Variants in LMO7 observed in about 807,000 individuals in gnomAD.
LMO7 encodes the protein LIM domain only protein 7.
A neutral mutation model predicts 206.5 loss-of-function variants in LMO7; 120 were observed. The observed-to-expected ratio is 0.58, with a 90% CI of 0.50 to 0.68. LMO7 has a LOEUF of 0.68. Among genes scored for constraint, LMO7 ranks in the 30% least tolerant of loss-of-function variants. The probability of loss-of-function intolerance (pLI) is 0.00; values close to 1 mark genes in which losing one functional copy is unlikely to be tolerated. For missense variants in LMO7, 1,959 were observed against 1,957.9 expected, an observed-to-expected ratio of 1.00 and a Z score of -0.01; for synonymous variants, 706 against 681.5, an observed-to-expected ratio of 1.04 and a Z score of -0.56.
At chr13:75,684,166 G>A (rs558121011) in intron 1 of LMO7, among the ~76,000 whole-genome samples, 2 of 152,214 alleles carry the variant, frequency 1.3e-5, no homozygotes, top group East Asian at 3.9e-4. Flanking sequence ...GGTTGGGGGC[G>A]GCCTTAGAAT....
At chr13:75,782,975 G>A (rs2051770993) in intron 4 of LMO7, among the ~76,000 whole-genome samples, 1 of 152,162 alleles carries the variant, frequency 6.6e-6, no homozygotes, top group South Asian at 2.1e-4. Context: ...AGTAGACCTT[G>A]GTGGGGAGTG....
intron 4 of LMO7, among the ~76,000 whole-genome samples, chr13:75,793,258 A>G (rs796930463): frequency 4.6e-5 from 7 of 152,262 alleles, no homozygotes; most frequent in African/African-American, 1.7e-4. Context: ...CTTCTAAGTT[A>G]AAGTGCTGGG....
In LMO7 at chr13:75,622,502, T is replaced by G. The variant is rs544920855; in HGVS notation, c.175+634T>G. On this transcript the variant is annotated intron_variant, in intron 1 of 29. Coordinates refer to the LMO7 transcript ENST00000341547. ...CTTTTCTCATTCTTTTTCTAAATCT[T>G]GTAATTGTCTGTAAGTACTACCTTC... is the stretch of plus-strand genomic sequence containing the variant. 2.1e-3 allele frequency among the ~76,000 whole-genome samples: 314 copies of G among 152,330 alleles called. 1 individual carries two copies. Among genetic ancestry groups the G allele is most frequent in the South Asian group, 9.1e-3 (44 of 4,830 alleles).
intron 2 of LMO7, among the ~76,000 whole-genome samples, chr13:75,630,444 G>A (rs932742361): frequency 7.2e-5 from 11 of 152,298 alleles, no homozygotes; most frequent in African/African-American, 1.9e-4. Context: ...AGGCTGAGGC[G>A]GGTGGATTGC....
At chr13:75,777,756 C>G (rs1566437676) in intron 4 of LMO7, among the ~76,000 whole-genome samples, 1 of 151,588 alleles carries the variant, frequency 6.6e-6, no homozygotes, top group Non-Finnish European at 1.5e-5. Flanking sequence ...TGCCATTTCC[C>G]TGCCTCAGCC....
At chr13:75,671,185 G>T (rs2039546693) in intron 1 of LMO7, among the ~76,000 whole-genome samples, 1 of 150,056 alleles carries the variant, frequency 6.7e-6, no homozygotes, top group South Asian at 2.1e-4. Context: ...TGAGGGACTG[G>T]CCTGACACTG....
At chr13:75,778,221 TTTTA>T (rs748191086) in intron 4 of LMO7, among the ~76,000 whole-genome samples, 3 of 151,942 alleles carry the variant, frequency 2.0e-5, no homozygotes, top group African/African-American at 7.3e-5. Flanking sequence ...GATCTGTGGT[TTTTA>T]TTTATTTATT....
At chr13:75,748,734 A>G (rs2047048098) in intron 3 of LMO7, among the ~76,000 whole-genome samples, 2 of 152,070 alleles carry the variant, frequency 1.3e-5, no homozygotes, top group Admixed American at 6.5e-5. Context: ...TTGCATTACT[A>G]GGTAGGAAGA....
At chr13:75,774,052 C>T (rs2050074691) in intron 4 of LMO7, among the ~76,000 whole-genome samples, 1 of 152,082 alleles carries the variant, frequency 6.6e-6, no homozygotes, top group African/African-American at 2.4e-5. Context: ...ACTTCTTACC[C>T]ATCTTTGCCT....
chr13:75,647,417 G>A (rs551599892), intron 1 of LMO7, among the ~76,000 whole-genome samples: 1 of 152,216 alleles, frequency 6.6e-6, no homozygotes, highest in African/African-American at 2.4e-5. Context: ...TTTGAAAAAA[G>A]CAACTTTAAA....
intron 12 of LMO7, 21 bp downstream of exon 12, chr13:75,817,299 A>AG (rs1566532921): frequency 6.9e-7 from 1 of 1,444,292 alleles, no homozygotes. Context: ...TGGGGATTGG[A>AG]GGGGAGAGAG....
intron 3 of LMO7, among the ~76,000 whole-genome samples, chr13:75,757,820 GTGTGTGTGTGTGTGTGTGTGTA>G (rs1469185908): frequency 5.7e-5 from 7 of 121,848 alleles, no homozygotes; most frequent in Admixed American, 3.5e-4. Context: ...GTGTGTGTGT[GTGTGTGTGTGTGTGTGTGTGTA>G]TGTTGGTTTG....
chr13:75,837,291 A>C (rs965308834), intron 19 of LMO7, among the ~76,000 whole-genome samples: 1 of 152,168 alleles, frequency 6.6e-6, no homozygotes, highest in African/African-American at 2.4e-5. Flanking sequence ...TGCATTCTTT[A>C]TCAAAGGAGT....
At chr13:75,659,047 A>ATTCT (rs1555288969) in intron 1 of LMO7, among the ~76,000 whole-genome samples, 1 of 151,410 alleles carries the variant, frequency 6.6e-6, no homozygotes, top group Non-Finnish European at 1.5e-5. Flanking sequence ...CTTTCCTTCC[A>ATTCT]CTCATTATTT....
chr13:75,635,534 G>T (rs2035677126), upstream of LMO7, among the ~76,000 whole-genome samples: 2 of 152,212 alleles, frequency 1.3e-5, no homozygotes, highest in African/African-American at 4.8e-5. Flanking sequence ...AACCACGAAG[G>T]GTGGGAATTT....
chr13:75,750,612 C>T (rs71434805), intron 3 of LMO7, among the ~76,000 whole-genome samples: 17 of 151,964 alleles, frequency 1.1e-4, no homozygotes, highest in Non-Finnish European at 2.5e-4. Flanking sequence ...CCAGGCTGGT[C>T]TCTAACTCCT....
intron 25 of LMO7, among the ~76,000 whole-genome samples, chr13:75,843,871 C>T (rs545384430): frequency 1.2e-4 from 18 of 151,970 alleles, no homozygotes; most frequent in Admixed American, 3.9e-4. Context: ...TACAAGCAGC[C>T]GGGATGACTG....
chr13:75,848,987 AT>A (rs1468585185), intron 26 of LMO7, 91 bp from the exon 27 acceptor site: 6 of 738,874 alleles, frequency 8.1e-6, no homozygotes, highest in Admixed American at 2.5e-5. Flanking sequence ...TATGGTTTTG[AT>A]TTGCATTTCC....
At chr13:75,747,972 C>T (rs2046984301) in intron 3 of LMO7, among the ~76,000 whole-genome samples, 3 of 152,038 alleles carry the variant, frequency 2.0e-5, no homozygotes, top group Non-Finnish European at 2.9e-5. Flanking sequence ...TAGTTGGGCA[C>T]CTTGAGTTGC....
Sources: gnomAD v4.1 joint callset for allele counts (sites outside exome capture counted in the v4.1 genomes callset) on GRCh38, gnomAD v4.1.1 for gene constraint, MANE v1.5 for transcripts, NCBI Gene and HGNC (gene_info 2026-07-23, HGNC 2026-07-21) for gene names.